Variants in DNAJC3 observed in about 807,000 individuals in gnomAD.
DNAJC3 encodes the protein dnaJ homolog subfamily C member 3.
In DNAJC3, 38 loss-of-function variants were observed where a neutral mutation model predicts 68.6. That is an observed-to-expected ratio of 0.55 (90% CI 0.43 to 0.73). The LOEUF (loss-of-function observed/expected upper bound fraction) is 0.73. Among genes scored for constraint, DNAJC3 ranks in the 30% least tolerant of loss-of-function variants. The probability of loss-of-function intolerance (pLI) is 0.00; values close to 1 mark genes in which losing one functional copy is unlikely to be tolerated. For missense variants in DNAJC3, 526 were observed against 591.9 expected, an observed-to-expected ratio of 0.89 and a Z score of 1.16; for synonymous variants, 203 against 204.0, an observed-to-expected ratio of 1.00 and a Z score of 0.04.
intron 11 of DNAJC3, among the ~76,000 whole-genome samples, chr13:95,788,133 T>C (rs1883659003): frequency 6.6e-6 from 1 of 152,222 alleles, no homozygotes; most frequent in African/African-American, 2.4e-5. Context: ...GAATTGAAAG[T>C]AAATGATCCT....
chr13:95,784,141 C>T (rs937720447), intron 9 of DNAJC3, among the ~76,000 whole-genome samples: 1 of 152,198 alleles, frequency 6.6e-6, no homozygotes, highest in Admixed American at 6.5e-5. Context: ...TGAGTGTTCA[C>T]ATGTCTTTTA....
chr13:95,744,313 T>G (rs1751641649), intron 4 of DNAJC3, among the ~76,000 whole-genome samples: 1 of 152,234 alleles, frequency 6.6e-6, no homozygotes, highest in Non-Finnish European at 1.5e-5. Context: ...AGTACTCACC[T>G]TGTACTTAAT....
At chr13:95,783,068 G>T (rs1302582153) in intron 9 of DNAJC3, among the ~76,000 whole-genome samples, 9 of 152,130 alleles carry the variant, frequency 5.9e-5, no homozygotes, top group Non-Finnish European at 1.2e-4. Context: ...ATTAAATAGG[G>T]AATCCTTTCC....
At chr13:95,776,468 G>A (rs1883294676) in intron 9 of DNAJC3, among the ~76,000 whole-genome samples, 1 of 152,134 alleles carries the variant, frequency 6.6e-6, no homozygotes, top group Non-Finnish European at 1.5e-5. Context: ...AATGTTTTGT[G>A]TGGGCTTTCC....
intron 5 of DNAJC3, among the ~76,000 whole-genome samples, chr13:95,759,243 T>C (rs1264253729): frequency 6.6e-6 from 1 of 152,168 alleles, no homozygotes; most frequent in African/African-American, 2.4e-5. Flanking sequence ...ATTTTTTCTT[T>C]CTTTCTTTCT....
chr13:95,780,220 T>G (rs1883411950), intron 9 of DNAJC3, among the ~76,000 whole-genome samples: 1 of 152,166 alleles, frequency 6.6e-6, no homozygotes, highest in Non-Finnish European at 1.5e-5. Context: ...TGTACCCCAT[T>G]CCTTTGCTAC....
intron 2 of DNAJC3, among the ~76,000 whole-genome samples, chr13:95,715,052 A>C (rs1362935724): frequency 6.6e-6 from 1 of 152,144 alleles, no homozygotes; most frequent in African/African-American, 2.4e-5. Flanking sequence ...TATTGGTGTG[A>C]TTTAGTAAAG....
At chr13:95,701,270 A>G (rs927353955) in intron 1 of DNAJC3, among the ~76,000 whole-genome samples, 1 of 152,196 alleles carries the variant, frequency 6.6e-6, no homozygotes, top group African/African-American at 2.4e-5. Flanking sequence ...ACTGCAAAAT[A>G]TGTCTCTTTG....
Position 95,757,855 on chromosome 13 carries a change from A to G in DNAJC3, c.546+59A>G, listed in dbSNP as rs1882710348. On this transcript the variant is annotated intron_variant, in intron 5 of 11. Coordinates refer to ENST00000602402, the MANE Select transcript of DNAJC3 (RefSeq NM_006260.5). ...GACACTTATTGTAAGGCACATTTAT[A>G]TACTTCGACATGTCACATACCACAA... is the stretch of plus-strand genomic sequence containing the variant. 3 of 1,443,800 alleles carry G rather than the reference A, an allele frequency of 2.1e-6. No individual in the cohort carries two copies. In the East Asian group the frequency reaches 6.9e-5, roughly 33 times the overall value. 89.4% of individuals were successfully genotyped at this position (1,443,800 alleles called of 1,614,324 possible). A position where few individuals can be genotyped will look rare whatever the true frequency, so the allele number is the denominator to read the frequency against.
At chr13:95,744,013 AT>A (rs1420847724) in intron 4 of DNAJC3, among the ~76,000 whole-genome samples, 1 of 152,202 alleles carries the variant, frequency 6.6e-6, no homozygotes, top group Non-Finnish European at 1.5e-5. Context: ...GTCTTGAGAT[AT>A]TTGGTTAGGA....
intron 4 of DNAJC3, among the ~76,000 whole-genome samples, chr13:95,749,917 G>T (rs1882421904): frequency 1.3e-5 from 2 of 152,170 alleles, no homozygotes; most frequent in Non-Finnish European, 2.9e-5. Context: ...GGGCGTGGTG[G>T]CCCATGCCTG....
intron 1 of DNAJC3, chr13:95,693,709 C>G (rs1391720291): frequency 6.6e-6 from 1 of 152,048 alleles, no homozygotes; most frequent in South Asian, 2.1e-4. Flanking sequence ...AACTAATAAT[C>G]TTAAGCTAAA....
intron 4 of DNAJC3, among the ~76,000 whole-genome samples, chr13:95,749,565 G>A (rs1051141333): frequency 7.9e-5 from 12 of 152,172 alleles, no homozygotes; most frequent in African/African-American, 2.4e-5. Context: ...GAGATTGATG[G>A]GGAGGGATAG....
At chr13:95,766,209 G>T (rs1396139935) in intron 9 of DNAJC3, among the ~76,000 whole-genome samples, 1 of 152,148 alleles carries the variant, frequency 6.6e-6, no homozygotes, top group Non-Finnish European at 1.5e-5. Context: ...AATAAAGAAT[G>T]AATAGGTTTA....
chr13:95,677,619 C>T (rs1879795892), intron 1 of DNAJC3, among the ~76,000 whole-genome samples: 1 of 152,264 alleles, frequency 6.6e-6, no homozygotes, highest in Admixed American at 6.5e-5. Context: ...CGGGCTACGA[C>T]TTCAGGAAGT....
At chr13:95,687,295 G>A (rs2139600612) in intron 1 of DNAJC3, among the ~76,000 whole-genome samples, 1 of 151,824 alleles carries the variant, frequency 6.6e-6, no homozygotes, top group South Asian at 2.1e-4. Flanking sequence ...GGTTTTCTAG[G>A]TAAAAAAATC....
At chr13:95,787,253 G>T in intron 11 of DNAJC3, 98 bp downstream of exon 11, 1 of 1,467,906 alleles carries the variant, frequency 6.8e-7, no homozygotes, top group Non-Finnish European at 9.1e-7. Flanking sequence ...TGTATAGGCA[G>T]TGACGGGTCC....
At chr13:95,764,784 T>C (rs1882945205) in intron 9 of DNAJC3, among the ~76,000 whole-genome samples, 2 of 146,254 alleles carry the variant, frequency 1.4e-5, no homozygotes. Context: ...GTTTTGTGCC[T>C]TTTTTCATGT....
chr13:95,773,528 T>C (rs1339167538), intron 9 of DNAJC3, among the ~76,000 whole-genome samples: 1 of 152,066 alleles, frequency 6.6e-6, no homozygotes, highest in Non-Finnish European at 1.5e-5. Flanking sequence ...TCTGTGTTAG[T>C]TTTTGTAAGT....
Sources: gnomAD v4.1 joint callset for allele counts (sites outside exome capture counted in the v4.1 genomes callset) on GRCh38, gnomAD v4.1.1 for gene constraint, MANE v1.5 for transcripts, NCBI Gene and HGNC (gene_info 2026-07-23, HGNC 2026-07-21) for gene names.